The following OSBPL9 variants were observed in gnomAD, a reference collection of about 807,000 sequenced individuals.
The protein encoded by OSBPL9 is oxysterol binding protein like 9, also known as oxysterol-binding protein-related protein 9.
A neutral mutation model predicts 106.6 loss-of-function variants in OSBPL9; 40 were observed. The observed-to-expected ratio is 0.38, with a 90% CI of 0.29 to 0.49. The LOEUF (loss-of-function observed/expected upper bound fraction) is 0.49. Ranked by LOEUF, OSBPL9 falls within the 20% of genes least tolerant of loss-of-function variation. OSBPL9 has a pLI of 0.97. For synonymous variants in OSBPL9, 269 were observed against 295.4 expected, an observed-to-expected ratio of 0.91 and a Z score of 0.92; for missense variants, 609 against 887.2, an observed-to-expected ratio of 0.69 and a Z score of 3.98.
chr1:51,652,264 T>A (rs1290488695), intron 2 of OSBPL9, among the ~76,000 whole-genome samples: 2 of 152,238 alleles, frequency 1.3e-5, no homozygotes, highest in African/African-American at 4.8e-5. Flanking sequence ...GTTGTATTTA[T>A]GACTTAATGC....
rs961781395 is a variant in OSBPL9, at chr1:51,687,117, T to G, written c.241+17605T>G. On this transcript the variant is annotated intron_variant, in intron 3 of 23. Transcript: ENST00000428468. ...TACTTGTGATAATGCTGCTGCTGTT[T>G]CTGGGATTCCCCATTTCTCCTTTTT... Among the ~76,000 whole-genome samples the G allele has an allele frequency of 7.2e-5, 11 of 152,356 alleles. No individual in the cohort carries two copies. In the South Asian group the frequency reaches 1.0e-3, roughly 14 times the overall value.
At chr1:51,683,437 C>G (rs1264656949) in intron 3 of OSBPL9, among the ~76,000 whole-genome samples, 1 of 151,892 alleles carries the variant, frequency 6.6e-6, no homozygotes, top group African/African-American at 2.4e-5. Flanking sequence ...ACCTCAGCCT[C>G]CCAAAGTGCT....
intron 3 of OSBPL9, chr1:51,709,888 C>G (rs1659447756): frequency 6.6e-6 from 1 of 152,270 alleles, no homozygotes; most frequent in South Asian, 2.1e-4. Flanking sequence ...GGTCCAACAT[C>G]CTCACAGGCA....
chr1:51,574,455 T>C (rs1331299278), upstream of OSBPL9, among the ~76,000 whole-genome samples: 2 of 151,976 alleles, frequency 1.3e-5, no homozygotes, highest in African/African-American at 4.8e-5. Context: ...CTGTCTCTAC[T>C]AAAAATATAA....
chr1:51,782,109 G>A lies in OSBPL9; in HGVS notation c.1429-450G>A, dbSNP rs986224412. On this transcript the variant is annotated intron_variant, in intron 16 of 23. Coordinates refer to ENST00000428468, the MANE Select transcript of OSBPL9 (RefSeq NM_024586.6). The stretch of plus-strand genomic sequence containing the variant: ...GGCTCCAACAAATTTAGTGGTTGAA[G>A]AAAATGACCAGCAGGGAAGACTCAA... Among the ~76,000 whole-genome samples, 5 of 152,224 alleles carry A rather than the reference G, an allele frequency of 3.3e-5. No individual in the cohort carries two copies. In the East Asian group the frequency reaches 9.7e-4, roughly 29 times the overall value.
chr1:51,636,758 T>C (rs2148665178), intron 1 of OSBPL9, among the ~76,000 whole-genome samples: 1 of 152,196 alleles, frequency 6.6e-6, no homozygotes, highest in Non-Finnish European at 1.5e-5. Flanking sequence ...AAGGCCAGCC[T>C]GGGCAACAGA....
the OSBPL9 span, among the ~76,000 whole-genome samples, chr1:51,525,485 G>GACATCTC: frequency 6.6e-6 from 1 of 152,160 alleles, no homozygotes; most frequent in Non-Finnish European, 1.5e-5. Context: ...TTAAACCCAT[G>GACATCTC]ACATCTCACA....
At position 51,781,345 on chromosome 1, in the gene OSBPL9, G is replaced by A. The variant is rs200790210; in HGVS notation, c.1428+10G>A. On this transcript the variant is annotated intron_variant, in intron 16 of 23. Transcript: ENST00000428468. ...TACTGAAGAGAACACAGTGAGTTCTGCATTGACATTTTTAAATTATCTTAA... is the reference window on the plus strand; with the variant it reads ...TACTGAAGAGAACACAGTGAGTTCTACATTGACATTTTTAAATTATCTTAA... 9.9e-6 allele frequency: 16 copies of A among 1,608,858 alleles called. No individual in the cohort carries two copies. The African/African-American group carries it at 1.3e-4, about 13-fold the overall frequency.
At chr1:51,554,233 A>T in the OSBPL9 span, among the ~76,000 whole-genome samples, 3 of 152,230 alleles carry the variant, frequency 2.0e-5, no homozygotes. Flanking sequence ...GGAAAAACAG[A>T]TGCATAATTG....
In OSBPL9 at chr1:51,788,849, T is replaced by G. The variant is rs985881077; in HGVS notation, c.*1060T>G. On this transcript the variant is annotated 3_prime_UTR_variant, in exon 24 of 24. Coordinates refer to ENST00000428468, the MANE Select transcript of OSBPL9 (RefSeq NM_024586.6). Reference sequence around the variant, plus strand: ...GGAAATACAGAACTATATCTATCTATCTATCTATCATCTTTTTTATTTAAA... The same window carrying G: ...GGAAATACAGAACTATATCTATCTAGCTATCTATCATCTTTTTTATTTAAA... 5.3e-5 allele frequency among the ~76,000 whole-genome samples: 8 copies of G among 152,106 alleles called. No homozygotes were observed. The highest frequency in any genetic ancestry group is 2.9e-5 in the Non-Finnish European group (2 of 68,030).
chr1:51,753,164 T>C (rs1669624804), intron 8 of OSBPL9, among the ~76,000 whole-genome samples: 1 of 152,226 alleles, frequency 6.6e-6, no homozygotes, highest in South Asian at 2.1e-4. Context: ...TCAGTTAATC[T>C]ATGATTAAGA....
intron 12 of OSBPL9, among the ~76,000 whole-genome samples, chr1:51,767,933 C>G (rs897393699): frequency 1.5e-5 from 2 of 131,940 alleles, no homozygotes; most frequent in African/African-American, 2.9e-5. Flanking sequence ...AATTAAAGAC[C>G]GTCTTTTTTT....
intron 2 of OSBPL9, among the ~76,000 whole-genome samples, chr1:51,657,284 C>T (rs1297331214): frequency 6.6e-6 from 1 of 152,172 alleles, no homozygotes; most frequent in Non-Finnish European, 1.5e-5. Flanking sequence ...AAAACACCCA[C>T]ATGAACATAG....
At chr1:51,579,596 A>G (rs1015534788) in intron 1 of OSBPL9, among the ~76,000 whole-genome samples, 1 of 152,158 alleles carries the variant, frequency 6.6e-6, no homozygotes, top group African/African-American at 2.4e-5. Flanking sequence ...TCTAGACATA[A>G]TAAAAGACCC....
At chr1:51,537,979 C>G in the OSBPL9 span, among the ~76,000 whole-genome samples, 1 of 151,942 alleles carries the variant, frequency 6.6e-6, no homozygotes, top group Admixed American at 6.6e-5. Flanking sequence ...ACATCAATGT[C>G]TTTATTCATT....
At chr1:51,519,275 T>C in the OSBPL9 span, 2 of 841,168 alleles carry the variant, frequency 2.4e-6, no homozygotes, top group Non-Finnish European at 2.8e-6. Context: ...ACGGGCTGAC[T>C]GGGGCTCGGG....
At chr1:51,696,443 A>G (rs1236206143) in intron 3 of OSBPL9, among the ~76,000 whole-genome samples, 2 of 150,278 alleles carry the variant, frequency 1.3e-5, no homozygotes, top group Non-Finnish European at 3.0e-5. Flanking sequence ...AAGACAATAA[A>G]TAAGATAGAA....
chr1:51,722,980 G>A (rs773733784), intron 4 of OSBPL9, among the ~76,000 whole-genome samples: 1 of 152,224 alleles, frequency 6.6e-6, no homozygotes, highest in Non-Finnish European at 1.5e-5. Flanking sequence ...AACAACAACA[G>A]CAACAACAAC....
intron 1 of OSBPL9, among the ~76,000 whole-genome samples, chr1:51,649,016 A>G (rs1010836860): frequency 1.3e-5 from 2 of 152,178 alleles, no homozygotes; most frequent in Non-Finnish European, 2.9e-5. Flanking sequence ...TAACTATTGA[A>G]TAAAGTTAAA....
Sources: gnomAD v4.1 joint callset for allele counts (sites outside exome capture counted in the v4.1 genomes callset) on GRCh38, gnomAD v4.1.1 for gene constraint, MANE v1.5 for transcripts, NCBI Gene and HGNC (gene_info 2026-07-23, HGNC 2026-07-21) for gene names.